The following RPTOR variants were observed in gnomAD, a reference collection of about 807,000 sequenced individuals.
The protein encoded by RPTOR is regulatory-associated protein of mTOR.
A neutral mutation model predicts 169.9 loss-of-function variants in RPTOR; 21 were observed. The observed-to-expected ratio is 0.12, with a 90% confidence interval of 0.09 to 0.18. The LOEUF (loss-of-function observed/expected upper bound fraction) is 0.18. Ranked by LOEUF, RPTOR falls within the 10% of genes least tolerant of loss-of-function variation. RPTOR has a pLI of 1.00. For synonymous variants in RPTOR, 732 were observed against 753.2 expected, an observed-to-expected ratio of 0.97 and a Z score of 0.46; for missense variants, 1,133 against 1,855.9, an observed-to-expected ratio of 0.61 and a Z score of 7.16.
chr17:80,828,237 C>T (rs150696384), intron 9 of RPTOR, among the ~76,000 whole-genome samples: 5 of 152,336 alleles, frequency 3.3e-5, no homozygotes, highest in African/African-American at 7.2e-5. Flanking sequence ...TGGCACTTAG[C>T]GACCTGCTGT....
rs1207456144 is a variant in RPTOR, at chr17:80,959,746, C to T, written c.3478-332C>T. On this transcript the variant is annotated intron_variant, in intron 29 of 33. Transcript: ENST00000306801. The surrounding 1 kb of genome is among the most constrained non-coding windows in gnomAD (Gnocchi z 6.7). ...AGTTTAATTGGCACTGACAGCCAGTCCTTCCCAGAGGCGTTTGCAGGCCTC... is the reference window on the plus strand; with the variant it reads ...AGTTTAATTGGCACTGACAGCCAGTTCTTCCCAGAGGCGTTTGCAGGCCTC... Among the ~76,000 whole-genome samples the T allele has an allele frequency of 6.6e-6, 1 of 152,226 alleles. No homozygotes were observed. Among genetic ancestry groups the T allele is most frequent in the Non-Finnish European group, 1.5e-5 (1 of 68,026 alleles).
intron 13 of RPTOR, among the ~76,000 whole-genome samples, chr17:80,865,722 C>T (rs2067981973): frequency 6.6e-6 from 1 of 152,010 alleles, no homozygotes; most frequent in African/African-American, 2.4e-5. Context: ...GGTTTCAGTG[C>T]TCCTTTCTCA....
At chr17:80,953,221 C>T (rs1259461672) in intron 28 of RPTOR, among the ~76,000 whole-genome samples, 1 of 152,182 alleles carries the variant, frequency 6.6e-6, no homozygotes, top group Non-Finnish European at 1.5e-5. Context: ...AAGATTCTCA[C>T]CACTCCAGAA....
chr17:80,879,119 C>G (rs1427106579), intron 13 of RPTOR, among the ~76,000 whole-genome samples: 1 of 152,128 alleles, frequency 6.6e-6, no homozygotes, highest in Non-Finnish European at 1.5e-5. Context: ...GTCTCATCAT[C>G]GATGCCTCAG....
intron 24 of RPTOR, among the ~76,000 whole-genome samples, chr17:80,929,785 G>A (rs1203554803): frequency 6.6e-6 from 1 of 152,206 alleles, no homozygotes; most frequent in Non-Finnish European, 1.5e-5. Context: ...GGGTTGCCCT[G>A]CCTGCATGGC....
chr17:80,788,771 C>G (rs2143484854), intron 6 of RPTOR, among the ~76,000 whole-genome samples: 1 of 152,278 alleles, frequency 6.6e-6, no homozygotes, highest in South Asian at 2.1e-4. Flanking sequence ...AAATAATAAG[C>G]ACTAAATAAG....
chr17:80,565,358 G>A (rs545280561), intron 1 of RPTOR, among the ~76,000 whole-genome samples: 309 of 152,272 alleles, frequency 2.0e-3, no homozygotes, highest in Non-Finnish European at 2.8e-3. Flanking sequence ...GGATTGCTGC[G>A]GAATAATTGT....
intron 27 of RPTOR, among the ~76,000 whole-genome samples, chr17:80,948,967 C>G (rs933900922): frequency 6.6e-6 from 1 of 152,184 alleles, no homozygotes; most frequent in Non-Finnish European, 1.5e-5. Context: ...CTGTGGAGCA[C>G]AGAGAGGAAT....
chr17:80,807,728 C>T (rs572019565), intron 7 of RPTOR, among the ~76,000 whole-genome samples: 2 of 152,156 alleles, frequency 1.3e-5, no homozygotes, highest in South Asian at 4.2e-4. Context: ...TTTTATTACA[C>T]CTTTCTTCTC....
chr17:80,902,461 T>C (rs1431516165), intron 20 of RPTOR, among the ~76,000 whole-genome samples: 1 of 152,248 alleles, frequency 6.6e-6, no homozygotes, highest in African/African-American at 2.4e-5. Context: ...AGGATCCCCA[T>C]GTAGGTGCCT....
At chr17:80,897,041 C>T (rs1007257121) in intron 20 of RPTOR, among the ~76,000 whole-genome samples, 18 of 152,098 alleles carry the variant, frequency 1.2e-4, no homozygotes, top group East Asian at 3.9e-4. Context: ...CCGAGACGGG[C>T]GGATCACGAG....
At chr17:80,775,408 C>G (rs996962797) in intron 6 of RPTOR, among the ~76,000 whole-genome samples, 2 of 152,178 alleles carry the variant, frequency 1.3e-5, no homozygotes, top group Admixed American at 6.5e-5. Flanking sequence ...CCATACCCAG[C>G]CAGTCTTCTC....
At chr17:80,761,068 T>C (rs1366161665) in intron 6 of RPTOR, among the ~76,000 whole-genome samples, 1 of 152,222 alleles carries the variant, frequency 6.6e-6, no homozygotes, top group Admixed American at 6.5e-5. Flanking sequence ...GACATTACTT[T>C]CCACATAAAT....
chr17:80,549,806 T>C (rs1448276449), intron 1 of RPTOR, among the ~76,000 whole-genome samples: 1 of 152,250 alleles, frequency 6.6e-6, no homozygotes, highest in Non-Finnish European at 1.5e-5. Flanking sequence ...ACACTCTGTC[T>C]ACATGCATGT....
chr17:80,893,033 G>A (rs576577470), intron 19 of RPTOR, among the ~76,000 whole-genome samples, 164 bp downstream of exon 19: 1 of 152,370 alleles, frequency 6.6e-6, no homozygotes, highest in Non-Finnish European at 1.5e-5. Flanking sequence ...CCAGACGTGA[G>A]CATGGCAAGG....
chr17:80,796,849 T>C (rs1237339965), intron 7 of RPTOR, among the ~76,000 whole-genome samples: 3 of 152,190 alleles, frequency 2.0e-5, no homozygotes, highest in African/African-American at 7.2e-5. Flanking sequence ...AGAGGTTAAA[T>C]TGCGGGTGGC....
intron 3 of RPTOR, among the ~76,000 whole-genome samples, chr17:80,663,904 G>T (rs983925943): frequency 1.3e-5 from 2 of 152,088 alleles, no homozygotes; most frequent in African/African-American, 4.8e-5. Context: ...TCCTCCGCTG[G>T]GTGTTTGTTC....
chr17:80,786,973 TA>T (rs1291744548), intron 6 of RPTOR, among the ~76,000 whole-genome samples: 1 of 152,216 alleles, frequency 6.6e-6, no homozygotes, highest in Non-Finnish European at 1.5e-5. Context: ...TTTTATAGCA[TA>T]ATGGGTTTCC....
chr17:80,839,808 G>A (rs1375429231), intron 10 of RPTOR, among the ~76,000 whole-genome samples: 1 of 152,228 alleles, frequency 6.6e-6, no homozygotes, highest in African/African-American at 2.4e-5. Flanking sequence ...AAATAATGCA[G>A]TTTCTATTTG....
Sources: gnomAD v4.1 joint callset for allele counts (sites outside exome capture counted in the v4.1 genomes callset) on GRCh38, gnomAD v4.1.1 for gene constraint, Gnocchi (gnomAD v3.1) non-coding constraint, MANE v1.5 for transcripts, NCBI Gene and HGNC (gene_info 2026-07-23, HGNC 2026-07-21) for gene names.